CPAP: variants seen among roughly 807,000 people sequenced by gnomAD.
The protein encoded by CPAP is centrosomal P4.1-associated protein.
At chr13:24,910,450 C>G in the CPAP span, among the ~76,000 whole-genome samples, 1 of 152,198 alleles carries the variant, frequency 6.6e-6, no homozygotes, top group Non-Finnish European at 1.5e-5. Flanking sequence ...GTCTTGAACT[C>G]CGGACCTCAG....
the CPAP span, among the ~76,000 whole-genome samples, chr13:24,925,164 C>T: frequency 6.6e-6 from 1 of 152,050 alleles, no homozygotes. Context: ...TTTTTGGAGA[C>T]AGGGGTCTCA....
At chr13:24,889,332 AT>A in the CPAP span, 1 of 1,610,452 alleles carries the variant, frequency 6.2e-7, no homozygotes, top group Non-Finnish European at 8.5e-7. Flanking sequence ...TTGGAAGATA[AT>A]TTTTCTTGTA....
chr13:24,931,166 T>C, the CPAP span, among the ~76,000 whole-genome samples: 1 of 152,152 alleles, frequency 6.6e-6, no homozygotes, highest in Non-Finnish European at 1.5e-5. Context: ...TTTTTCTATG[T>C]TTCTTTTCAC....
the CPAP span, among the ~76,000 whole-genome samples, chr13:24,887,618 CT>C: frequency 6.6e-5 from 10 of 152,270 alleles, no homozygotes; most frequent in South Asian, 2.1e-3. Flanking sequence ...AGGGCTCCCC[CT>C]GATTCTACAT....
At chr13:24,906,375 C>T in the CPAP span, 9 of 1,612,586 alleles carry the variant, frequency 5.6e-6, 1 homozygote, top group South Asian at 5.5e-5. Flanking sequence ...TGAAGAGAAA[C>T]GTCAAGAGAA....
chr13:24,909,898 C>CA, the CPAP span: 12 of 1,614,088 alleles, frequency 7.4e-6, no homozygotes, highest in South Asian at 1.3e-4. Flanking sequence ...GAAGTTAAGA[C>CA]AAAATCTCCA....
At chr13:24,915,525 T>C in the CPAP span, among the ~76,000 whole-genome samples, 47,501 of 152,046 alleles carry the variant, frequency 0.31, 7,625 homozygotes, top group South Asian at 0.4. Context: ...AGGAGGCGGC[T>C]GGGCGCAGTG....
At chr13:24,908,566 C>G in the CPAP span, among the ~76,000 whole-genome samples, 1 of 150,988 alleles carries the variant, frequency 6.6e-6, no homozygotes, top group East Asian at 1.9e-4. Flanking sequence ...GGACTCCAAC[C>G]TAAGTGACAG....
chr13:24,924,075 C>T, the CPAP span, among the ~76,000 whole-genome samples: 12 of 152,194 alleles, frequency 7.9e-5, no homozygotes, highest in Non-Finnish European at 1.2e-4. Context: ...CCTCGTGATC[C>T]GCCCGCCTCG....
chr13:24,901,650 C>T, the CPAP span, among the ~76,000 whole-genome samples: 1 of 152,172 alleles, frequency 6.6e-6, no homozygotes, highest in Non-Finnish European at 1.5e-5. Context: ...TTCAAGGATA[C>T]AGAAGACTAG....
the CPAP span, chr13:24,909,693 G>GA: frequency 7.4e-6 from 9 of 1,215,412 alleles, no homozygotes; most frequent in African/African-American, 1.5e-5. Flanking sequence ...CTCCATCTCT[G>GA]AAAAAATAAT....
chr13:24,920,348 T>C, the CPAP span, among the ~76,000 whole-genome samples: 2 of 152,254 alleles, frequency 1.3e-5, no homozygotes, highest in Non-Finnish European at 2.9e-5. Context: ...AATGATACTG[T>C]GTTTTTGCCA....
At chr13:24,891,853 C>T in the CPAP span, among the ~76,000 whole-genome samples, 2 of 152,224 alleles carry the variant, frequency 1.3e-5, no homozygotes, top group African/African-American at 4.8e-5. Context: ...CACCGCTCCT[C>T]GCCCACTAAT....
At chr13:24,916,306 G>A in the CPAP span, among the ~76,000 whole-genome samples, 1 of 151,960 alleles carries the variant, frequency 6.6e-6, no homozygotes, top group Non-Finnish European at 1.5e-5. Context: ...ATATAATACA[G>A]CAAAATATAT....
the CPAP span, among the ~76,000 whole-genome samples, chr13:24,911,717 T>TC: frequency 4.6e-5 from 7 of 151,782 alleles, no homozygotes; most frequent in Non-Finnish European, 1.0e-4. Context: ...TTTTTTTTTT[T>TC]TTAATGAATA....
At chr13:24,906,508 G>A in the CPAP span, 29 of 1,614,058 alleles carry the variant, frequency 1.8e-5, no homozygotes, top group Non-Finnish European at 2.3e-5. Flanking sequence ...AGCCAGTATC[G>A]CAAGGTTTTG....
the CPAP span, chr13:24,933,001 A>C: frequency 1.2e-5 from 19 of 1,572,152 alleles, no homozygotes; most frequent in Non-Finnish European, 1.7e-5. Flanking sequence ...TGTTTCCTAC[A>C]GGATGGTGAT....
chr13:24,921,296 G>T, the CPAP span, among the ~76,000 whole-genome samples: 2 of 152,180 alleles, frequency 1.3e-5, no homozygotes, highest in Non-Finnish European at 2.9e-5. Context: ...GAGAACCAAT[G>T]AACTTTCTCG....
chr13:24,912,277 C>T, the CPAP span, among the ~76,000 whole-genome samples: 1 of 152,006 alleles, frequency 6.6e-6, no homozygotes, highest in Admixed American at 6.6e-5. Context: ...ACTAAGAAAC[C>T]GAAACAGTCA....
Sources: allele counts gnomAD v4.1 joint callset (sites outside exome capture counted in the v4.1 genomes callset), GRCh38; gene constraint gnomAD v4.1.1; transcripts MANE v1.5; gene names NCBI Gene and HGNC (gene_info 2026-07-23, HGNC 2026-07-21).